Variants in ZNF782 observed in about 807,000 individuals in gnomAD.
The protein encoded by ZNF782 is zinc finger protein 782.
A neutral mutation model predicts 13.0 loss-of-function variants in ZNF782; 12 were observed. The observed-to-expected ratio is 0.92, with a 90% confidence interval of 0.59 to 1.50. The LOEUF (loss-of-function observed/expected upper bound fraction) is 1.50, where lower values mean the gene tolerates loss of function less well. ZNF782 is among the 40% of genes most tolerant of loss of function. The pLI is 0.00. For missense variants in ZNF782, 770 were observed against 822.9 expected, an observed-to-expected ratio of 0.94 and a Z score of 0.79; for synonymous variants, 284 against 283.0, an observed-to-expected ratio of 1.00 and a Z score of -0.04.
At chr9:96,913,442 C>T in the ZNF782 span, among the ~76,000 whole-genome samples, 3 of 151,922 alleles carry the variant, frequency 2.0e-5, no homozygotes, top group Admixed American at 1.3e-4. Context: ...AGTTGCAAAT[C>T]GAATTAAACT....
the ZNF782 span, among the ~76,000 whole-genome samples, chr9:96,931,310 G>A: frequency 1.3e-5 from 2 of 151,402 alleles, no homozygotes; most frequent in Non-Finnish European, 2.9e-5. Flanking sequence ...GTTTCCTGTC[G>A]GCCTTCTGAA....
At chr9:96,830,383 G>C (rs1339257871) in intron 4 of ZNF782, among the ~76,000 whole-genome samples, 1 of 152,096 alleles carries the variant, frequency 6.6e-6, no homozygotes, top group Non-Finnish European at 1.5e-5. Flanking sequence ...CTGCCCCCCA[G>C]TGTCAGTAGA....
the ZNF782 span, among the ~76,000 whole-genome samples, chr9:96,905,770 G>T: frequency 1.3e-5 from 2 of 152,150 alleles, no homozygotes; most frequent in Admixed American, 1.3e-4. Context: ...ATTTTTATGA[G>T]AGGCAGGGTT....
At chr9:96,897,132 A>T in the ZNF782 span, among the ~76,000 whole-genome samples, 351 of 152,372 alleles carry the variant, frequency 2.3e-3, 4 homozygotes, top group Middle Eastern at 0.014. Flanking sequence ...AGCCTGGGCC[A>T]CATGGGTCTC....
At chr9:96,822,274 T>C (rs1382108804) in intron 5 of ZNF782, among the ~76,000 whole-genome samples, 1 of 152,210 alleles carries the variant, frequency 6.6e-6, no homozygotes, top group Non-Finnish European at 1.5e-5. Context: ...TAATACACAA[T>C]ATTATTAAAA....
chr9:96,918,085 A>C, the ZNF782 span, among the ~76,000 whole-genome samples: 1 of 151,010 alleles, frequency 6.6e-6, no homozygotes. Flanking sequence ...ATTTTATGGG[A>C]GAATATTTAT....
chr9:96,816,209 G>A (rs2118192959), downstream of ZNF782, among the ~76,000 whole-genome samples: 1 of 152,242 alleles, frequency 6.6e-6, no homozygotes, highest in South Asian at 2.1e-4. Context: ...TAGTAACAAT[G>A]GCCTTTACTA....
intron 1 of ZNF782, among the ~76,000 whole-genome samples, chr9:96,863,034 C>T (rs1449656172): frequency 2.6e-5 from 4 of 152,134 alleles, no homozygotes; most frequent in African/African-American, 7.2e-5. Context: ...TATTTGTGAA[C>T]GCAGAAGCAC....
chr9:96,902,823 G>C, the ZNF782 span: 1 of 122,064 alleles, frequency 8.2e-6, no homozygotes, highest in Admixed American at 8.5e-5. Context: ...TTATTATTTT[G>C]AAACAGGGTC....
rs768678644 is a variant in ZNF782, at chr9:96,817,717, G to A, written c.*206C>T. The A allele has an allele frequency of 4.2e-6, 2 of 474,646 alleles. No homozygotes were observed. Among genetic ancestry groups the A allele is most frequent in the Non-Finnish European group, 7.3e-6 (2 of 274,820 alleles). 29.4% of individuals were successfully genotyped at this position (474,646 alleles called of 1,614,324 possible). ...GCTGTGTGAGTTCTGTATATCCATA[G>A]AAGACTGGGCTCTGGCTGAAAGAAT... On this transcript the variant is annotated 3_prime_UTR_variant, in exon 6 of 6. Coordinates refer to ENST00000481138, the MANE Select transcript of ZNF782 (RefSeq NM_001001662.3).
At chr9:96,858,018 G>A (rs987566542), upstream of ZNF782, among the ~76,000 whole-genome samples, 18 of 152,258 alleles carry the variant, frequency 1.2e-4, no homozygotes, top group Admixed American at 9.1e-4. The surrounding 1 kb of genome is among the most constrained non-coding windows in gnomAD (Gnocchi z 4.4). Flanking sequence ...TCTAGAGGCC[G>A]TCTGCAAGTT....
chr9:96,897,614 C>G, the ZNF782 span, among the ~76,000 whole-genome samples: 1 of 151,168 alleles, frequency 6.6e-6, no homozygotes, highest in Non-Finnish European at 1.5e-5. Context: ...TGTAACGTGT[C>G]TAGCCCCATC....
At chr9:96,910,539 C>A in the ZNF782 span, 1 of 71,396 alleles carries the variant, frequency 1.4e-5, no homozygotes, top group Non-Finnish European at 2.9e-5. Flanking sequence ...GGCAGTGCCA[C>A]CCACAGATGA....
At chr9:96,892,412 A>G in the ZNF782 span, 2 of 152,232 alleles carry the variant, frequency 1.3e-5, no homozygotes, top group African/African-American at 4.8e-5. Flanking sequence ...TGGGAATGGT[A>G]AATTGGAGCC....
intron 1 of ZNF782, among the ~76,000 whole-genome samples, chr9:96,875,254 T>C (rs1346828533): frequency 6.6e-6 from 1 of 152,216 alleles, no homozygotes; most frequent in African/African-American, 2.4e-5. Flanking sequence ...TTGTGAGGTT[T>C]AGGTGAGTCA....
At chr9:96,916,034 A>G in the ZNF782 span, among the ~76,000 whole-genome samples, 1 of 151,886 alleles carries the variant, frequency 6.6e-6, no homozygotes, top group East Asian at 1.9e-4. Flanking sequence ...AATCAGACTT[A>G]GGGAAAGTGA....
chr9:96,825,211 T>TAGATC (rs1235102977), intron 5 of ZNF782, among the ~76,000 whole-genome samples: 9 of 151,260 alleles, frequency 6.0e-5, no homozygotes, highest in African/African-American at 1.9e-4. Flanking sequence ...AACAGAGATA[T>TAGATC]AGATCAATGG....
exon 1 of ZNF782, chr9:96,875,597 G>T (rs543350644): frequency 2.2e-6 from 1 of 456,604 alleles, no homozygotes; most frequent in South Asian, 1.5e-5. Flanking sequence ...GCCGCCGCGG[G>T]CATGCGCTTT....
upstream of ZNF782, among the ~76,000 whole-genome samples, chr9:96,879,353 A>G (rs1454131947): frequency 2.6e-5 from 4 of 152,130 alleles, no homozygotes; most frequent in Non-Finnish European, 5.9e-5. Flanking sequence ...ACAACAAAAA[A>G]TTAGCCGTGC....
Sources: allele counts gnomAD v4.1 joint callset (sites outside exome capture counted in the v4.1 genomes callset), GRCh38; gene constraint gnomAD v4.1.1; non-coding constraint Gnocchi (gnomAD v3.1); transcripts MANE v1.5; gene names NCBI Gene and HGNC (gene_info 2026-07-23, HGNC 2026-07-21).